CHST11: variants seen among roughly 807,000 people sequenced by gnomAD.
The protein encoded by CHST11 is C4S-1.
Under a neutral mutation model 30.4 loss-of-function variants are expected in CHST11, and 9 were observed. That is an observed-to-expected ratio of 0.30 (90% CI 0.18 to 0.52). The LOEUF (loss-of-function observed/expected upper bound fraction) is 0.52. Ranked by LOEUF, CHST11 falls within the 20% of genes least tolerant of loss-of-function variation. The pLI is 0.97. For missense variants in CHST11, 348 were observed against 460.6 expected (o/e 0.76, Z 2.24); for synonymous variants, 152 against 187.8 (o/e 0.81, Z 1.56).
chr12:104,754,245 C>T (rs542738684), intron 2 of CHST11, among the ~76,000 whole-genome samples: 29 of 152,276 alleles, frequency 1.9e-4, no homozygotes, highest in Non-Finnish European at 4.0e-4. Context: ...GGACCCTCAG[C>T]TCTCCTGTTT....
chr12:104,464,273 G>A (rs1448489241), intron 1 of CHST11, among the ~76,000 whole-genome samples: 2 of 151,874 alleles, frequency 1.3e-5, no homozygotes, highest in African/African-American at 2.4e-5. Context: ...TTGCCATGTT[G>A]GCCAAGCTGG....
chr12:104,698,467 G>A (rs144073132), intron 2 of CHST11, among the ~76,000 whole-genome samples: 15 of 152,274 alleles, frequency 9.9e-5, no homozygotes, highest in Admixed American at 4.6e-4. Context: ...GTCTGCTTCC[G>A]TAGAGTTATC....
chr12:104,666,061 G>A (rs560385518), intron 2 of CHST11, among the ~76,000 whole-genome samples: 29 of 151,806 alleles, frequency 1.9e-4, no homozygotes, highest in East Asian at 9.7e-4. Flanking sequence ...CTCATGATTC[G>A]CCCGCCTCGG....
chr12:104,479,563 G>A (rs1368322653), intron 1 of CHST11, among the ~76,000 whole-genome samples: 7 of 152,158 alleles, frequency 4.6e-5, no homozygotes, highest in South Asian at 2.1e-4. Context: ...AAGAAAACTG[G>A]AGATGCTCTT....
At chr12:104,741,152 T>C (rs1253780939) in intron 2 of CHST11, among the ~76,000 whole-genome samples, 1 of 152,198 alleles carries the variant, frequency 6.6e-6, no homozygotes, top group Non-Finnish European at 1.5e-5. Context: ...ACATTGTTCA[T>C]AGTGACATTA....
At chr12:104,472,034 C>T (rs2037514558) in intron 1 of CHST11, among the ~76,000 whole-genome samples, 1 of 152,090 alleles carries the variant, frequency 6.6e-6, no homozygotes, top group Non-Finnish European at 1.5e-5. Flanking sequence ...GATCATAGTT[C>T]ACTGCAACTT....
chr12:104,505,362 A>G (rs1182509173), intron 1 of CHST11, among the ~76,000 whole-genome samples: 2 of 152,096 alleles, frequency 1.3e-5, no homozygotes, highest in African/African-American at 2.4e-5. Flanking sequence ...TACCCTGCAC[A>G]TGATGTCAGT....
intron 1 of CHST11, among the ~76,000 whole-genome samples, chr12:104,467,496 A>G (rs193027575): frequency 3.3e-5 from 5 of 152,308 alleles, no homozygotes; most frequent in Admixed American, 3.3e-4. Context: ...ACCTGGTGCC[A>G]GTTCTAGCGG....
At chr12:104,549,729 G>A (rs2038387329) in intron 1 of CHST11, among the ~76,000 whole-genome samples, 1 of 152,086 alleles carries the variant, frequency 6.6e-6, no homozygotes, top group South Asian at 2.1e-4. Flanking sequence ...AACATAGAGA[G>A]AGCCCCGCCA....
chr12:104,518,029 C>T (rs1592742108), intron 1 of CHST11, among the ~76,000 whole-genome samples: 1 of 152,066 alleles, frequency 6.6e-6, no homozygotes, highest in South Asian at 2.1e-4. Context: ...TGGTGGCTCA[C>T]GCCTGTAATC....
At chr12:104,682,915 T>C (rs2039811996) in intron 2 of CHST11, among the ~76,000 whole-genome samples, 1 of 152,222 alleles carries the variant, frequency 6.6e-6, no homozygotes, top group Non-Finnish European at 1.5e-5. Context: ...ACCAACCCTG[T>C]GTCCAGCCCC....
chr12:104,500,074 A>G (rs2037838442), intron 1 of CHST11, among the ~76,000 whole-genome samples: 1 of 152,112 alleles, frequency 6.6e-6, no homozygotes, highest in African/African-American at 2.4e-5. Flanking sequence ...GGCCTTGTTA[A>G]TGGTTTGTTT....
At chr12:104,496,890 G>A (rs2037803136) in intron 1 of CHST11, among the ~76,000 whole-genome samples, 1 of 152,190 alleles carries the variant, frequency 6.6e-6, no homozygotes, top group African/African-American at 2.4e-5. Flanking sequence ...TCCACTGGAG[G>A]TGGGGAAGAG....
intron 2 of CHST11, among the ~76,000 whole-genome samples, chr12:104,653,570 G>A (rs1368976045): frequency 6.6e-6 from 1 of 152,186 alleles, no homozygotes; most frequent in East Asian, 1.9e-4. Context: ...CTCCCACTGA[G>A]TGAAAACTAA....
In CHST11 at chr12:104,565,432, A is replaced by G. The variant is rs139839611; in HGVS notation, c.119-36474A>G. On this transcript the variant is annotated intron_variant, in intron 1 of 2. Coordinates refer to ENST00000303694, the MANE Select transcript of CHST11 (RefSeq NM_018413.6). Reference sequence around the variant, plus strand: ...CAGGTACGTGCCACCATGCTGGGCTAATTTCTGTATTTTTAGTAGAGGCGG... The same window carrying G: ...CAGGTACGTGCCACCATGCTGGGCTGATTTCTGTATTTTTAGTAGAGGCGG... Among the ~76,000 whole-genome samples the G allele has an allele frequency of 4.4e-4, 67 of 151,510 alleles. 2 individuals carry two copies. In the East Asian group the frequency reaches 0.012, roughly 28 times the overall value.
At chr12:104,704,040 C>T (rs1055567073) in intron 2 of CHST11, among the ~76,000 whole-genome samples, 1 of 152,128 alleles carries the variant, frequency 6.6e-6, no homozygotes, top group African/African-American at 2.4e-5. Context: ...GTGTCCAGGG[C>T]CTGGTCCAAT....
At chr12:104,557,066 T>A (rs915393159) in intron 1 of CHST11, among the ~76,000 whole-genome samples, 1 of 152,170 alleles carries the variant, frequency 6.6e-6, no homozygotes, top group African/African-American at 2.4e-5. Flanking sequence ...TACTCCAGTA[T>A]GACCTTATCT....
chr12:104,721,675 C>T (rs971103634), intron 2 of CHST11, among the ~76,000 whole-genome samples: 7 of 151,872 alleles, frequency 4.6e-5, no homozygotes, highest in African/African-American at 1.5e-4. Context: ...CGTGAACAAA[C>T]GTTTTCAGAG....
chr12:104,570,908 C>A (rs1476307113), intron 1 of CHST11, among the ~76,000 whole-genome samples: 1 of 152,096 alleles, frequency 6.6e-6, no homozygotes, highest in Non-Finnish European at 1.5e-5. Flanking sequence ...CCAGGCTGGT[C>A]TCGAACTCCT....
Sources: allele counts gnomAD v4.1 joint callset (sites outside exome capture counted in the v4.1 genomes callset), GRCh38; gene constraint gnomAD v4.1.1; transcripts MANE v1.5; gene names NCBI Gene and HGNC (gene_info 2026-07-23, HGNC 2026-07-21).